The following UBE2E2 variants were observed in gnomAD, a reference collection of about 807,000 sequenced individuals.
UBE2E2 encodes the protein ubiquitin conjugating enzyme E2 E2.
A neutral mutation model predicts 24.7 loss-of-function variants in UBE2E2; 6 were observed. The ratio of observed to expected loss-of-function variants is 0.24; its 90% CI spans 0.13 to 0.48. The LOEUF is 0.48. Among genes scored for constraint, UBE2E2 ranks in the 20% least tolerant of loss-of-function variants. The pLI is 0.99. For missense variants in UBE2E2, 169 were observed against 245.0 expected, an observed-to-expected ratio of 0.69 and a Z score of 2.07; for synonymous variants, 104 against 83.6, an observed-to-expected ratio of 1.24 and a Z score of -1.33.
At chr3:23,399,558 C>G (rs1277273779) in intron 3 of UBE2E2, among the ~76,000 whole-genome samples, 2 of 152,080 alleles carry the variant, frequency 1.3e-5, no homozygotes, top group African/African-American at 4.8e-5. Context: ...ATCACAATTA[C>G]TTTTGCACTA....
intron 3 of UBE2E2, among the ~76,000 whole-genome samples, chr3:23,471,170 C>T (rs891349215): frequency 2.6e-5 from 4 of 151,972 alleles, no homozygotes; most frequent in African/African-American, 9.7e-5. Flanking sequence ...AAGGACAGCC[C>T]CAGTTTTTCA....
chr3:23,277,965 C>A (rs962279190), intron 3 of UBE2E2, among the ~76,000 whole-genome samples: 9 of 152,058 alleles, frequency 5.9e-5, no homozygotes, highest in Non-Finnish European at 8.8e-5. Context: ...GGGCGTGATA[C>A]CCATTTTAGT....
intron 3 of UBE2E2, among the ~76,000 whole-genome samples, chr3:23,450,393 A>T (rs1241352185): frequency 1.3e-5 from 2 of 152,166 alleles, no homozygotes; most frequent in African/African-American, 4.8e-5. Flanking sequence ...AATTTTAATT[A>T]ATTTTGCTAC....
chr3:23,539,509 A>G (rs533922126), intron 5 of UBE2E2, among the ~76,000 whole-genome samples: 1 of 152,340 alleles, frequency 6.6e-6, no homozygotes, highest in African/African-American at 2.4e-5. Context: ...TCCATTTGGT[A>G]AATAAGAAAA....
chr3:23,220,054 C>T (rs1205668743), intron 3 of UBE2E2, among the ~76,000 whole-genome samples: 1 of 152,058 alleles, frequency 6.6e-6, no homozygotes, highest in Non-Finnish European at 1.5e-5. Flanking sequence ...TGTGTTTAAG[C>T]GTTGTGCAAA....
chr3:23,315,303 A>ATTTTTTTTTTTTTTTT (rs71051213), intron 3 of UBE2E2, among the ~76,000 whole-genome samples: 1 of 133,106 alleles, frequency 7.5e-6, no homozygotes, highest in African/African-American at 2.7e-5. Flanking sequence ...GGTGTGCTTC[A>ATTTTTTTTTTTTTTTT]TTTTTTTTTT....
chr3:23,257,503 G>C (rs1419119265), intron 3 of UBE2E2, among the ~76,000 whole-genome samples: 1 of 61,092 alleles, frequency 1.6e-5, no homozygotes, highest in Non-Finnish European at 3.3e-5. Flanking sequence ...TCTTCTGGCT[G>C]TTTCCCGTGC....
intron 3 of UBE2E2, among the ~76,000 whole-genome samples, chr3:23,306,531 CAAT>C (rs1232769334): frequency 6.6e-6 from 1 of 152,110 alleles, no homozygotes; most frequent in East Asian, 1.9e-4. Context: ...TTATAGATAA[CAAT>C]AAGATTCCAA....
chr3:23,455,627 G>A (rs1260811665), intron 3 of UBE2E2, among the ~76,000 whole-genome samples: 1 of 152,084 alleles, frequency 6.6e-6, no homozygotes, highest in African/African-American at 2.4e-5. Context: ...GGAGTTCAAG[G>A]CTGCTATGAG....
chr3:23,286,649 A>G (rs1243709655), intron 3 of UBE2E2, among the ~76,000 whole-genome samples: 7 of 152,140 alleles, frequency 4.6e-5, no homozygotes, highest in African/African-American at 1.7e-4. Flanking sequence ...TTGTGGTTCC[A>G]TACACATTTT....
chr3:23,234,999 G>C (rs1041382077), intron 3 of UBE2E2, among the ~76,000 whole-genome samples: 8 of 152,106 alleles, frequency 5.3e-5, no homozygotes, highest in Non-Finnish European at 2.9e-5. Flanking sequence ...ACATTTTGAG[G>C]TTAACATTCA....
intron 5 of UBE2E2, among the ~76,000 whole-genome samples, chr3:23,587,818 A>T (rs192196391): frequency 6.6e-6 from 1 of 152,368 alleles, no homozygotes; most frequent in Admixed American, 6.5e-5. Context: ...TTTTCATTTC[A>T]ACATCTGAGA....
At chr3:23,305,375 A>G (rs1161967369) in intron 3 of UBE2E2, among the ~76,000 whole-genome samples, 2 of 152,240 alleles carry the variant, frequency 1.3e-5, no homozygotes, top group East Asian at 1.9e-4. Context: ...TTTTAATACA[A>G]TTAATAATTT....
At position 23,257,273 on chromosome 3, in the gene UBE2E2, G is replaced by C. The variant is rs1305018269; in HGVS notation, c.227+39961G>C. ...CATGGCTCAGGCTAAGATCTTTCTT[G>C]GTAATCTTTCTCTATCCAGCTCTTC... On this transcript the variant is annotated intron_variant, in intron 3 of 5. Transcript: ENST00000396703. Among the ~76,000 whole-genome samples, 4 of 152,194 alleles carry C rather than the reference G, an allele frequency of 2.6e-5. No individual in the cohort carries two copies. The East Asian group carries it at 7.7e-4, about 29-fold the overall frequency.
intron 5 of UBE2E2, among the ~76,000 whole-genome samples, chr3:23,546,040 A>G (rs192396448): frequency 3.2e-4 from 48 of 152,334 alleles, no homozygotes; most frequent in Non-Finnish European, 7.3e-5. Flanking sequence ...ATAAAAAACT[A>G]TATATTGGGT....
chr3:23,271,894 T>C (rs1173145816), intron 3 of UBE2E2, among the ~76,000 whole-genome samples: 2 of 152,192 alleles, frequency 1.3e-5, no homozygotes, highest in Non-Finnish European at 2.9e-5. Context: ...TGCTGATTGG[T>C]GCATATACAG....
At chr3:23,409,983 G>C (rs1471988152) in intron 3 of UBE2E2, among the ~76,000 whole-genome samples, 3 of 152,120 alleles carry the variant, frequency 2.0e-5, no homozygotes, top group African/African-American at 4.8e-5. Flanking sequence ...GATTTACTGT[G>C]ACCTCATCTT....
At chr3:23,264,746 T>C (rs1218104056) in intron 3 of UBE2E2, among the ~76,000 whole-genome samples, 2 of 152,186 alleles carry the variant, frequency 1.3e-5, no homozygotes, top group Non-Finnish European at 2.9e-5. Flanking sequence ...ACTTCAGAAA[T>C]CAAATGAGCA....
chr3:23,339,241 G>A (rs1172196917), intron 3 of UBE2E2, among the ~76,000 whole-genome samples: 3 of 152,102 alleles, frequency 2.0e-5, no homozygotes, highest in Non-Finnish European at 4.4e-5. Flanking sequence ...TTTTTAGAAA[G>A]TGTCAAGATT....
Sources: allele counts gnomAD v4.1 joint callset (sites outside exome capture counted in the v4.1 genomes callset), GRCh38; gene constraint gnomAD v4.1.1; transcripts MANE v1.5; gene names NCBI Gene and HGNC (gene_info 2026-07-23, HGNC 2026-07-21).